ANGPT1: variants seen among roughly 807,000 people sequenced by gnomAD.
ANGPT1 encodes the protein angiopoietin 1.
In ANGPT1, 17 loss-of-function variants were observed where a neutral mutation model predicts 62.2. That is an observed-to-expected ratio of 0.27 (90% confidence interval 0.19 to 0.41). The LOEUF is 0.41. Ranked by LOEUF, ANGPT1 falls within the 10% of genes least tolerant of loss-of-function variation. ANGPT1 has a pLI of 1.00. For missense variants in ANGPT1, 478 were observed against 594.9 expected, an observed-to-expected ratio of 0.80 and a Z score of 2.04; for synonymous variants, 199 against 198.9, an observed-to-expected ratio of 1.00 and a Z score of 0.00.
At position 107,381,980 on chromosome 8, in the gene ANGPT1, G is replaced by C. The variant is rs549267221; in HGVS notation, c.298-34883C>G. 3.8e-4 allele frequency among the ~76,000 whole-genome samples: 58 copies of C among 152,090 alleles called. 1 individual carries two copies. Among genetic ancestry groups the C allele is most frequent in the Non-Finnish European group, 2.9e-5 (2 of 68,020 alleles). ...TAAGACATAGAGGAAAGACATGCAGGAGTCTTGGCAAGATGAATGGGCTTG... is the reference window on the plus strand; with the variant it reads ...TAAGACATAGAGGAAAGACATGCAGCAGTCTTGGCAAGATGAATGGGCTTG... On this transcript the variant is annotated intron_variant, in intron 1 of 8. Transcript: ENST00000517746.
intron 3 of ANGPT1, among the ~76,000 whole-genome samples, chr8:107,325,470 G>A (rs2130078875): frequency 6.6e-6 from 1 of 152,246 alleles, no homozygotes; most frequent in African/African-American, 2.4e-5. Flanking sequence ...ATCAAAATTT[G>A]AACGTTATAG....
At chr8:107,365,857 AC>A (rs775832485) in intron 1 of ANGPT1, among the ~76,000 whole-genome samples, 2 of 2,372 alleles carry the variant, frequency 8.4e-4, no homozygotes, top group African/African-American at 2.1e-3. Context: ...AACAAATACA[AC>A]ACACACACAC....
intron 1 of ANGPT1, among the ~76,000 whole-genome samples, chr8:107,431,159 T>TGA (rs781334197): frequency 2.0e-5 from 3 of 152,292 alleles, no homozygotes; most frequent in Admixed American, 6.5e-5. Context: ...CATGTGTGTG[T>TGA]GAGAGAGAGA....
At chr8:107,389,623 C>T (rs1816796166) in intron 1 of ANGPT1, among the ~76,000 whole-genome samples, 1 of 152,120 alleles carries the variant, frequency 6.6e-6, no homozygotes, top group African/African-American at 2.4e-5. Context: ...TTGTCTGTTT[C>T]AGCTTACAGT....
intron 8 of ANGPT1, among the ~76,000 whole-genome samples, chr8:107,256,631 T>C (rs1563536616): frequency 6.6e-6 from 1 of 152,210 alleles, no homozygotes; most frequent in Non-Finnish European, 1.5e-5. Context: ...CTGAATTATA[T>C]ATTCTGTGCA....
At chr8:107,428,686 C>T (rs954517027) in intron 1 of ANGPT1, among the ~76,000 whole-genome samples, 1 of 151,680 alleles carries the variant, frequency 6.6e-6, no homozygotes, top group African/African-American at 2.4e-5. Context: ...TAAACAAGAA[C>T]AATCACAGAT....
At chr8:107,397,129 T>C (rs1031011549) in intron 1 of ANGPT1, among the ~76,000 whole-genome samples, 4 of 152,178 alleles carry the variant, frequency 2.6e-5, no homozygotes, top group African/African-American at 9.7e-5. Context: ...AGTAATGACA[T>C]GAGTTACCCG....
chr8:107,357,533 T>C (rs570774614), intron 1 of ANGPT1, among the ~76,000 whole-genome samples: 2 of 152,144 alleles, frequency 1.3e-5, no homozygotes, highest in African/African-American at 2.4e-5. Context: ...AGCTAGTAGA[T>C]TGGGGGGATT....
intron 1 of ANGPT1, among the ~76,000 whole-genome samples, chr8:107,369,963 C>T (rs1018608698): frequency 2.0e-5 from 3 of 151,892 alleles, no homozygotes; most frequent in Non-Finnish European, 2.9e-5. Flanking sequence ...TATAGAGAGA[C>T]TCTGTCTCCA....
At chr8:107,396,517 C>CTTTTTTTTTTTTTTTTTTTTTTTTTTTT (rs10686360) in intron 1 of ANGPT1, among the ~76,000 whole-genome samples, 3 of 84,830 alleles carry the variant, frequency 3.5e-5, no homozygotes, top group South Asian at 5.2e-4. Context: ...TCTTTTCTCT[C>CTTTTTTTTTTTTTTTTTTTTTTTTTTTT]TTTTTTTTTT....
intron 1 of ANGPT1, among the ~76,000 whole-genome samples, chr8:107,366,575 T>C (rs1468926236): frequency 2.0e-5 from 3 of 152,218 alleles, no homozygotes; most frequent in Non-Finnish European, 2.9e-5. Flanking sequence ...CCAGAAAGCT[T>C]GTTGTCATTA....
rs765608644 is a variant in ANGPT1 at position 107,457,866 on chromosome 8, A to ACACACC, written c.297+39395_297+39396insGGTGTG. On this transcript the variant is annotated intron_variant, in intron 1 of 8. Transcript: ENST00000517746. ...CACACACACACACACACACACACAC[A>ACACACC]CCAAGAGGGGAAAAAAATACCTATG... 4.5e-4 allele frequency among the ~76,000 whole-genome samples: 52 copies of ACACACC among 116,060 alleles called. 4 individuals are homozygous for ACACACC. The highest frequency in any genetic ancestry group is 8.0e-3 in the Middle Eastern group (2 of 250). The allele number at this position is 116,060 out of a possible 152,430, so 76.1% of individuals were successfully genotyped here.
At chr8:107,288,847 A>C (rs112396361) in intron 6 of ANGPT1, among the ~76,000 whole-genome samples, 9 of 152,120 alleles carry the variant, frequency 5.9e-5, no homozygotes, top group African/African-American at 1.4e-4. Context: ...CAACCAATGC[A>C]TATGCTCCAA....
chr8:107,347,191 G>C, intron 1 of ANGPT1, 94 bp from the exon 2 acceptor site: 1 of 1,299,342 alleles, frequency 7.7e-7, no homozygotes, highest in Non-Finnish European at 1.1e-6. Context: ...AGACACCGCT[G>C]GCAAATCAGC....
intron 1 of ANGPT1, among the ~76,000 whole-genome samples, chr8:107,472,384 C>A (rs745344539): frequency 8.6e-5 from 13 of 151,944 alleles, no homozygotes; most frequent in Non-Finnish European, 1.9e-4. Flanking sequence ...ACCTCCTTGG[C>A]GATAGAGAAG....
chr8:107,297,756 T>C (rs2130197762), intron 5 of ANGPT1, among the ~76,000 whole-genome samples: 1 of 150,258 alleles, frequency 6.7e-6, no homozygotes, highest in East Asian at 1.9e-4. Context: ...TGTATGCATA[T>C]ATATATATAT....
rs966440020 is a variant in ANGPT1 at position 107,437,834 on chromosome 8, GA to G, written c.297+59427del. Among the ~76,000 whole-genome samples, 392 of 148,458 alleles carry G rather than the reference GA, an allele frequency of 2.6e-3. 1 individual carries two copies. Among genetic ancestry groups the G allele is most frequent in the African/African-American group, 5.5e-3 (222 of 40,440 alleles). ...ACTAAAAAAATAAGAAAAAGAAAAA[GA>G]AAAAAAAAACTTTAGTGAAATTCAG... is the stretch of plus-strand genomic sequence containing the variant. On this transcript the variant is annotated intron_variant, in intron 1 of 8. Transcript: ENST00000517746.
intron 4 of ANGPT1, among the ~76,000 whole-genome samples, chr8:107,311,010 TATGTATGTGA>T (rs1814846980): frequency 6.6e-6 from 1 of 151,164 alleles, no homozygotes; most frequent in Non-Finnish European, 1.5e-5. Context: ...TGACTGTGTG[TATGTATGTGA>T]GTGTGTGTGA....
intron 1 of ANGPT1, among the ~76,000 whole-genome samples, chr8:107,484,402 T>G (rs1308770656): frequency 6.6e-6 from 1 of 152,130 alleles, no homozygotes; most frequent in Non-Finnish European, 1.5e-5. Context: ...AAAATCATTA[T>G]TTTTTTCTTT....
Sources: gnomAD v4.1 joint callset for allele counts (sites outside exome capture counted in the v4.1 genomes callset) on GRCh38, gnomAD v4.1.1 for gene constraint, MANE v1.5 for transcripts, NCBI Gene and HGNC (gene_info 2026-07-23, HGNC 2026-07-21) for gene names.